The following KATNAL1 variants were observed in gnomAD, a reference collection of about 807,000 sequenced individuals.
KATNAL1 encodes the protein katanin p60 ATPase-containing subunit A-like 1.
KATNAL1 carries 32 observed loss-of-function variants against 55.2 expected under a neutral mutation model. The ratio of observed to expected loss-of-function variants is 0.58; its 90% CI spans 0.44 to 0.78. The LOEUF (loss-of-function observed/expected upper bound fraction) is 0.78, where lower values mean the gene tolerates loss of function less well. KATNAL1 is among the 30% of genes least tolerant of loss of function. KATNAL1 has a pLI of 0.00. For missense variants in KATNAL1, 466 were observed against 600.9 expected, an observed-to-expected ratio of 0.78 and a Z score of 2.35; for synonymous variants, 193 against 193.6, an observed-to-expected ratio of 1.00 and a Z score of 0.02.
At chr13:30,228,912 C>A (rs1031287863) in intron 8 of KATNAL1, among the ~76,000 whole-genome samples, 7 of 152,102 alleles carry the variant, frequency 4.6e-5, no homozygotes, top group African/African-American at 1.7e-4. Context: ...GCCACCACAT[C>A]CAGCTACTTT....
In KATNAL1 at chr13:30,204,624, A is replaced by G. The variant is rs2137320427; in HGVS notation, c.*3916T>C. On this transcript the variant is annotated 3_prime_UTR_variant, in exon 11 of 11. Transcript: ENST00000380615. ...CTATACAAAACAAAGTCAAAGAATG[A>G]CAATCATACTGTAAATTTGGGTTGT... 6.6e-6 allele frequency: 1 copy of G among 152,380 alleles called. No individual in the cohort carries two copies. The highest frequency in any genetic ancestry group is 1.9e-4 in the East Asian group (1 of 5,192). The allele number at this position is 152,380 out of a possible 1,614,324, so 9.4% of individuals were successfully genotyped here.
chr13:30,227,696 A>G (rs983684977), intron 8 of KATNAL1, 150 bp from the exon 9 acceptor site: 1 of 573,454 alleles, frequency 1.7e-6, no homozygotes, highest in Non-Finnish European at 2.9e-6. Flanking sequence ...CAGACACACT[A>G]ACAGATAACT....
intron 4 of KATNAL1, among the ~76,000 whole-genome samples, chr13:30,248,615 TATG>T (rs544703739): frequency 5.9e-5 from 9 of 152,220 alleles, no homozygotes; most frequent in Non-Finnish European, 1.3e-4. Flanking sequence ...CACAATGAGA[TATG>T]ATTATACCTA....
At chr13:30,274,907 G>GCACA (rs368435407) in intron 3 of KATNAL1, among the ~76,000 whole-genome samples, 7,440 of 105,204 alleles carry the variant, frequency 0.071, 298 homozygotes, top group East Asian at 0.091. Context: ...GCGCGCGCGC[G>GCACA]CACACACACA....
chr13:30,215,785 G>A (rs1210690515), intron 9 of KATNAL1, among the ~76,000 whole-genome samples: 1 of 151,976 alleles, frequency 6.6e-6, no homozygotes, highest in African/African-American at 2.4e-5. Flanking sequence ...TGGGGTGGGG[G>A]GAGTGGGGAG....
intron 10 of KATNAL1, among the ~76,000 whole-genome samples, chr13:30,209,582 T>C (rs535577381): frequency 2.6e-5 from 4 of 152,350 alleles, no homozygotes; most frequent in Admixed American, 6.5e-5. Context: ...CTAAAACTTA[T>C]GATGTCGCTA....
chr13:30,244,640 CAGAT>C (rs777129272), intron 4 of KATNAL1, among the ~76,000 whole-genome samples: 1 of 151,988 alleles, frequency 6.6e-6, no homozygotes, highest in Non-Finnish European at 1.5e-5. Flanking sequence ...ATTAGCAAAA[CAGAT>C]AGACTGCTAG....
chr13:30,239,769 T>TC (rs1459757863), intron 6 of KATNAL1, among the ~76,000 whole-genome samples: 1 of 144,524 alleles, frequency 6.9e-6, no homozygotes, highest in Non-Finnish European at 1.5e-5. Flanking sequence ...CATTGCAAAC[T>TC]CCAACTCGCG....
chr13:30,228,263 A>G (rs905951731), intron 8 of KATNAL1, among the ~76,000 whole-genome samples: 1 of 152,066 alleles, frequency 6.6e-6, no homozygotes, highest in African/African-American at 2.4e-5. Flanking sequence ...AACTTTATTG[A>G]TAAGACTTTC....
intron 9 of KATNAL1, among the ~76,000 whole-genome samples, chr13:30,224,937 C>T (rs1875294368): frequency 6.6e-6 from 1 of 152,150 alleles, no homozygotes; most frequent in African/African-American, 2.4e-5. Flanking sequence ...TGAGTCATGT[C>T]TGAGATGTGA....
intron 3 of KATNAL1, among the ~76,000 whole-genome samples, chr13:30,275,041 G>A (rs1880740096): frequency 6.6e-6 from 1 of 151,922 alleles, no homozygotes; most frequent in Non-Finnish European, 1.5e-5. Context: ...CACATACTAC[G>A]TGATCTGACT....
In KATNAL1 at chr13:30,208,672, A is replaced by C; in HGVS notation, c.1341T>G (p.Leu447=). ...CAGGCATCTGAAGTTCCTCTTTAGA[A>C]AGTGCACGGATTTCTTCTGGACTTA... ...NGLSPEEIRA[L]SKEELQMPVT... The change falls in exon 11 of 11, where the codon CTT becomes CTG. Residue 447 remains leucine (L), a synonymous_variant. Coordinates refer to ENST00000380615, the MANE Select transcript of KATNAL1 (RefSeq NM_032116.5). The C allele has an allele frequency of 6.2e-7, 1 of 1,614,048 alleles. No individual in the cohort carries two copies. Among genetic ancestry groups the C allele is most frequent in the South Asian group, 1.1e-5 (1 of 91,052 alleles).
At chr13:30,219,733 G>A (rs935925495) in intron 9 of KATNAL1, among the ~76,000 whole-genome samples, 5 of 152,130 alleles carry the variant, frequency 3.3e-5, no homozygotes, top group Non-Finnish European at 5.9e-5. Flanking sequence ...TGATCATAAG[G>A]TACACACCTT....
At chr13:30,305,229 G>A (rs1036933682) in intron 1 of KATNAL1, among the ~76,000 whole-genome samples, 5 of 152,178 alleles carry the variant, frequency 3.3e-5, no homozygotes, top group East Asian at 3.8e-4. Context: ...AGTACTTTAA[G>A]ATCTGGCCTC....
intron 2 of KATNAL1, among the ~76,000 whole-genome samples, chr13:30,280,686 GCAGT>G (rs1316521459): frequency 6.6e-6 from 1 of 152,094 alleles, no homozygotes; most frequent in Non-Finnish European, 1.5e-5. Flanking sequence ...AAAGCTAGAA[GCAGT>G]ATTATACTAT....
rs1173595254 is a variant in KATNAL1 at position 30,211,685 on chromosome 13, C to T, written c.1148-1243G>A. 6.6e-5 allele frequency among the ~76,000 whole-genome samples: 10 copies of T among 152,252 alleles called. No homozygotes were observed. In the East Asian group the frequency reaches 1.9e-3, roughly 29 times the overall value. On this transcript the variant is annotated intron_variant, in intron 9 of 10. Coordinates refer to ENST00000380615, the MANE Select transcript of KATNAL1 (RefSeq NM_032116.5). The stretch of plus-strand genomic sequence containing the variant: ...CCAAAGCATTCCAATAAAGATCCTC[C>T]TAAAAGGTCTATCTGTAAAAACTAA...
rs114078479 is a variant in KATNAL1, at chr13:30,305,993, T to C, written c.-15+1338A>G. Reference sequence around the variant, plus strand: ...CAAAATTGCAACCTCAAGTAAAATTTACACAGGTCAACTTCATTTTAATTA... The same window carrying C: ...CAAAATTGCAACCTCAAGTAAAATTCACACAGGTCAACTTCATTTTAATTA... On this transcript the variant is annotated intron_variant, in intron 1 of 10. Transcript: ENST00000380615. Among the ~76,000 whole-genome samples, 644 of 152,328 alleles carry C rather than the reference T, an allele frequency of 4.2e-3. 7 individuals carry two copies. Among genetic ancestry groups the C allele is most frequent in the African/African-American group, 0.015 (619 of 41,574 alleles).
At chr13:30,221,671 C>T (rs1192879092) in intron 9 of KATNAL1, among the ~76,000 whole-genome samples, 3 of 152,254 alleles carry the variant, frequency 2.0e-5, no homozygotes, top group African/African-American at 7.2e-5. Context: ...TTAAGAGTGG[C>T]GTAGCTAGAA....
chr13:30,255,688 T>C, intron 3 of KATNAL1, 73 bp from the exon 4 acceptor site: 1 of 1,235,622 alleles, frequency 8.1e-7, no homozygotes, highest in African/African-American at 1.6e-5. Flanking sequence ...GTCAATACTA[T>C]CTTAGTCAAT....
Sources: allele counts gnomAD v4.1 joint callset (sites outside exome capture counted in the v4.1 genomes callset), GRCh38; gene constraint gnomAD v4.1.1; transcripts MANE v1.5; gene names NCBI Gene and HGNC (gene_info 2026-07-23, HGNC 2026-07-21).